The following ZEB1 variants were observed in gnomAD, a reference collection of about 807,000 sequenced individuals.
ZEB1 encodes zinc finger E-box binding homeobox 1.
A neutral mutation model predicts 84.9 loss-of-function variants in ZEB1; 21 were observed. The observed-to-expected ratio is 0.25, with a 90% confidence interval of 0.18 to 0.36. The LOEUF (loss-of-function observed/expected upper bound fraction) is 0.36, where lower values mean the gene tolerates loss of function less well. Among genes scored for constraint, ZEB1 ranks in the 10% least tolerant of loss-of-function variants. ZEB1 has a pLI of 1.00. For missense variants in ZEB1, 1,104 were observed against 1,330.2 expected (o/e 0.83, Z 2.65); for synonymous variants, 420 against 471.1 (o/e 0.89, Z 1.41).
chr10:31,427,929 CTTG>C (rs1210789504), intron 1 of ZEB1, among the ~76,000 whole-genome samples: 3 of 151,490 alleles, frequency 2.0e-5, no homozygotes, highest in African/African-American at 4.8e-5. Context: ...TAATATCCCC[CTTG>C]TTGTTGTTTC....
intron 1 of ZEB1, among the ~76,000 whole-genome samples, chr10:31,435,186 G>A (rs2058143594): frequency 6.6e-6 from 1 of 152,196 alleles, no homozygotes. Flanking sequence ...GCCATTTCTG[G>A]CTTTGAAGAT....
At chr10:31,418,764 A>C (rs2055645698) in intron 1 of ZEB1, among the ~76,000 whole-genome samples, 1 of 152,082 alleles carries the variant, frequency 6.6e-6, no homozygotes, top group Admixed American at 6.6e-5. Flanking sequence ...GTAGGCTCCT[A>C]GGAATTTACT....
intron 1 of ZEB1, among the ~76,000 whole-genome samples, chr10:31,416,253 T>C (rs2055194687): frequency 6.6e-6 from 1 of 152,032 alleles, no homozygotes; most frequent in Admixed American, 6.6e-5. Context: ...GTTCTAAATA[T>C]ATTTATAAGT....
chr10:31,440,771 C>T (rs1193362839), intron 1 of ZEB1, among the ~76,000 whole-genome samples: 5 of 152,110 alleles, frequency 3.3e-5, no homozygotes, highest in Non-Finnish European at 5.9e-5. Context: ...AACAGACAAA[C>T]AGAAAGCCAA....
chr10:31,488,849 T>G (rs987444741), intron 2 of ZEB1, among the ~76,000 whole-genome samples: 1 of 151,300 alleles, frequency 6.6e-6, no homozygotes, highest in East Asian at 1.9e-4. Context: ...TTTATAGAAT[T>G]TAAATCCTTT....
At chr10:31,447,976 G>A (rs1327242855) in intron 1 of ZEB1, among the ~76,000 whole-genome samples, 1 of 151,606 alleles carries the variant, frequency 6.6e-6, no homozygotes, top group African/African-American at 2.4e-5. Flanking sequence ...CTAGATTGGG[G>A]AAGTTCTCCT....
At chr10:31,418,343 G>A (rs561725198) in intron 1 of ZEB1, among the ~76,000 whole-genome samples, 1 of 152,112 alleles carries the variant, frequency 6.6e-6, no homozygotes, top group African/African-American at 2.4e-5. Flanking sequence ...GTTGGAAGAA[G>A]TCATTTTCCA....
At chr10:31,476,701 A>T (rs2064250071) in intron 2 of ZEB1, among the ~76,000 whole-genome samples, 1 of 152,056 alleles carries the variant, frequency 6.6e-6, no homozygotes, top group Non-Finnish European at 1.5e-5. Context: ...TCAAAAACAA[A>T]ATGTATCACA....
intron 2 of ZEB1, among the ~76,000 whole-genome samples, chr10:31,481,682 A>G (rs1164121344): frequency 6.6e-6 from 1 of 151,990 alleles, no homozygotes; most frequent in African/African-American, 2.4e-5. Flanking sequence ...TAAATGAATG[A>G]ATGATGAGAG....
At chr10:31,399,812 C>T (rs1262861025) in intron 1 of ZEB1, among the ~76,000 whole-genome samples, 2 of 152,218 alleles carry the variant, frequency 1.3e-5, no homozygotes, top group African/African-American at 2.4e-5. Context: ...CATTCCCAGA[C>T]AGCCACTGCC....
chr10:31,419,187 A>C (rs563481878), intron 1 of ZEB1, among the ~76,000 whole-genome samples: 5 of 152,140 alleles, frequency 3.3e-5, no homozygotes, highest in Non-Finnish European at 7.4e-5. Flanking sequence ...CTGTAAAGAA[A>C]TGACATTTAG....
chr10:31,328,123 T>C (rs915027628), intron 1 of ZEB1, among the ~76,000 whole-genome samples: 1 of 152,216 alleles, frequency 6.6e-6, no homozygotes, highest in Non-Finnish European at 1.5e-5. Flanking sequence ...TCCTTCCTAA[T>C]CTATAGATTA....
chr10:31,479,902 A>G (rs1248139517), intron 2 of ZEB1, among the ~76,000 whole-genome samples: 1 of 152,018 alleles, frequency 6.6e-6, no homozygotes, highest in Non-Finnish European at 1.5e-5. Flanking sequence ...TATTCTCTGT[A>G]GAGAAGAAAG....
chr10:31,443,332 T>C (rs543450626), intron 1 of ZEB1, among the ~76,000 whole-genome samples: 1 of 152,120 alleles, frequency 6.6e-6, no homozygotes, highest in Non-Finnish European at 1.5e-5. Flanking sequence ...TTTTTTTCTG[T>C]GTATAGTTAT....
intron 1 of ZEB1, among the ~76,000 whole-genome samples, chr10:31,411,511 A>G (rs1244605712): frequency 6.6e-6 from 1 of 151,988 alleles, no homozygotes; most frequent in East Asian, 1.9e-4. Flanking sequence ...GGGCGCCTGT[A>G]GTCCCAGCTA....
chr10:31,323,729 T>C (rs1455621459), intron 1 of ZEB1, among the ~76,000 whole-genome samples: 3 of 152,056 alleles, frequency 2.0e-5, no homozygotes, highest in Non-Finnish European at 4.4e-5. Context: ...TATTTAGTTA[T>C]GTCTTTTCAT....
chr10:31,505,330 C>T (rs953959748), intron 4 of ZEB1, among the ~76,000 whole-genome samples: 2 of 152,018 alleles, frequency 1.3e-5, no homozygotes, highest in Non-Finnish European at 2.9e-5. Flanking sequence ...ATTCCCTCCT[C>T]TTCAGTTTTT....
At chr10:31,357,492 A>G (rs1233352836) in intron 1 of ZEB1, among the ~76,000 whole-genome samples, 2 of 152,176 alleles carry the variant, frequency 1.3e-5, no homozygotes, top group African/African-American at 4.8e-5. Context: ...GACTAAAAGC[A>G]TAATTTTTTA....
At chr10:31,338,823 G>C (rs1474471362) in intron 1 of ZEB1, among the ~76,000 whole-genome samples, 1 of 152,122 alleles carries the variant, frequency 6.6e-6, no homozygotes, top group Admixed American at 6.5e-5. Context: ...TGGGTTAATG[G>C]AGTCATGATT....
Sources: allele counts gnomAD v4.1 joint callset (sites outside exome capture counted in the v4.1 genomes callset), GRCh38; gene constraint gnomAD v4.1.1; transcripts MANE v1.5; gene names NCBI Gene and HGNC (gene_info 2026-07-23, HGNC 2026-07-21).